The following ATP10B variants were observed in gnomAD, a reference collection of about 807,000 sequenced individuals.
The protein encoded by ATP10B is phospholipid-transporting ATPase VB.
ATP10B carries 122 observed loss-of-function variants against 141.2 expected under a neutral mutation model. The observed-to-expected ratio is 0.86, with a 90% CI of 0.75 to 1.00. The LOEUF is 1.00. Ranked by LOEUF, ATP10B falls within the 50% of genes least tolerant of loss-of-function variation. The pLI, the probability that ATP10B is intolerant of heterozygous loss-of-function variation, is 0.00. For synonymous variants in ATP10B, 685 were observed against 692.0 expected (o/e 0.99, Z 0.16); for missense variants, 1,876 against 1,825.3 (o/e 1.03, Z -0.51).
At chr5:160,708,573 T>C (rs928054559) in intron 3 of ATP10B, among the ~76,000 whole-genome samples, 10 of 152,204 alleles carry the variant, frequency 6.6e-5, no homozygotes, top group Non-Finnish European at 1.2e-4. Flanking sequence ...CAAATGGCTT[T>C]GCTGTCCAGC....
At chr5:160,770,918 A>G (rs1561836627) in intron 2 of ATP10B, among the ~76,000 whole-genome samples, 1 of 152,190 alleles carries the variant, frequency 6.6e-6, no homozygotes, top group African/African-American at 2.4e-5. Context: ...GTATTTGCAT[A>G]CTCAGCATAT....
At chr5:160,900,318 A>C in the ATP10B span, among the ~76,000 whole-genome samples, 1 of 152,192 alleles carries the variant, frequency 6.6e-6, no homozygotes, top group East Asian at 1.9e-4. Context: ...AATATTTATT[A>C]AACACTGTGG....
At chr5:160,843,703 G>A (rs1775942738) in intron 1 of ATP10B, among the ~76,000 whole-genome samples, 1 of 151,848 alleles carries the variant, frequency 6.6e-6, no homozygotes, top group African/African-American at 2.4e-5. Flanking sequence ...CTGTAACAAA[G>A]ACCAATCTAT....
At chr5:160,737,273 T>A (rs1277724360) in intron 2 of ATP10B, among the ~76,000 whole-genome samples, 2 of 152,188 alleles carry the variant, frequency 1.3e-5, no homozygotes, top group Non-Finnish European at 2.9e-5. Context: ...AAAAGCCATA[T>A]ATGACAGACC....
At chr5:160,829,806 T>C (rs564857697) in intron 1 of ATP10B, among the ~76,000 whole-genome samples, 17 of 152,000 alleles carry the variant, frequency 1.1e-4, no homozygotes, top group Non-Finnish European at 1.9e-4. Context: ...TGATTTCATA[T>C]CCTGCAACCT....
At chr5:160,609,926 T>C (rs564620354) in intron 18 of ATP10B, among the ~76,000 whole-genome samples, 270 of 152,334 alleles carry the variant, frequency 1.8e-3, no homozygotes, top group African/African-American at 6.1e-3. Flanking sequence ...AAGCAAGTCA[T>C]TGGAGACATA....
At chr5:160,597,065 A>G (rs1304013264) in intron 22 of ATP10B, among the ~76,000 whole-genome samples, 2 of 152,196 alleles carry the variant, frequency 1.3e-5, no homozygotes, top group Non-Finnish European at 2.9e-5. Context: ...ATATGGAGCC[A>G]AAAAAGAGCC....
chr5:160,837,216 G>C (rs1260472495), intron 1 of ATP10B, among the ~76,000 whole-genome samples: 1 of 152,110 alleles, frequency 6.6e-6, no homozygotes, highest in Admixed American at 6.6e-5. Flanking sequence ...CTTAAAAGCA[G>C]ATATTACAAA....
the ATP10B span, among the ~76,000 whole-genome samples, chr5:160,886,811 T>C: frequency 6.6e-6 from 1 of 152,108 alleles, no homozygotes; most frequent in African/African-American, 2.4e-5. Flanking sequence ...ACGAACCATA[T>C]AAGATAGAGA....
At chr5:160,758,986 C>T (rs1016835922) in intron 2 of ATP10B, among the ~76,000 whole-genome samples, 4 of 152,140 alleles carry the variant, frequency 2.6e-5, no homozygotes, top group African/African-American at 4.8e-5. Flanking sequence ...ATTAGCAGAG[C>T]TGGATTTGGG....
chr5:160,912,958 C>T, the ATP10B span, among the ~76,000 whole-genome samples: 1 of 152,156 alleles, frequency 6.6e-6, no homozygotes, highest in Admixed American at 6.5e-5. Context: ...GGCCACTGGC[C>T]TCGTGGGACA....
intron 1 of ATP10B, among the ~76,000 whole-genome samples, chr5:160,823,740 A>G (rs891339374): frequency 6.6e-6 from 1 of 152,012 alleles, no homozygotes; most frequent in African/African-American, 2.4e-5. Context: ...AGGCTGAGGC[A>G]GGAGAATGGC....
chr5:160,620,921 C>T lies in ATP10B; in HGVS notation c.1842G>A (p.Leu614=). ...RVTIKPSSKA[L]GTSLEKIQQL... is the part of the protein sequence containing the mutation. ...GCTGAATCTTCTCCAGGGACGTCCC[C>T]AGAGCCTTGCTTGAGGGTTTGATGG... The change falls in exon 15 of 26, where the codon CTG becomes CTA. Residue 614 remains leucine, a synonymous_variant. Transcript: ENST00000327245. 1 of 1,613,908 alleles carries T rather than the reference C, an allele frequency of 6.2e-7. No individual in the cohort carries two copies. Among genetic ancestry groups the T allele is most frequent in the Non-Finnish European group, 8.5e-7 (1 of 1,179,892 alleles).
At chr5:160,677,639 A>G (rs913042242) in intron 6 of ATP10B, among the ~76,000 whole-genome samples, 1 of 152,188 alleles carries the variant, frequency 6.6e-6, no homozygotes, top group Admixed American at 6.5e-5. Flanking sequence ...ACTTCTGCCT[A>G]TCAAGGCTAC....
chr5:160,622,437 C>T lies in ATP10B; in HGVS notation c.1769G>A (p.Cys590Tyr). The T allele has an allele frequency of 6.2e-7, 1 of 1,614,008 alleles. No homozygotes were observed. Among genetic ancestry groups the T allele is most frequent in the Non-Finnish European group, 8.5e-7 (1 of 1,180,010 alleles). ...GGTTGTGGACACCATGACAGAGTTG[C>T]AGATGGTTAAGGCAAGGAAGAAATC... is the stretch of plus-strand genomic sequence containing the variant. ...IADFFLALTI[C>Y]NSVMVSTTTE... Residue 590 changes from cysteine (C) to tyrosine (Y), a missense_variant, in exon 14 of 26, where the codon TGC (cysteine) becomes TAC (tyrosine). Transcript: ENST00000327245.
chr5:160,919,233 A>AAAAAAAAAAAAAAAAAAAAAAAAAAC, the ATP10B span, among the ~76,000 whole-genome samples: 1 of 142,870 alleles, frequency 7.0e-6, no homozygotes, highest in African/African-American at 2.7e-5. Context: ...CAAAAAAAAA[A>AAAAAAAAAAAAAAAAAAAAAAAAAAC]AAAAAAAAAA....
chr5:160,752,094 A>T (rs1017762655), intron 2 of ATP10B, among the ~76,000 whole-genome samples: 2 of 152,042 alleles, frequency 1.3e-5, no homozygotes, highest in Non-Finnish European at 2.9e-5. Context: ...AAGGATCTTC[A>T]CATAAAAAGG....
chr5:160,589,497 G>A (rs891241612), intron 24 of ATP10B, 95 bp downstream of exon 24: 13 of 938,884 alleles, frequency 1.4e-5, no homozygotes, highest in African/African-American at 4.8e-5. Context: ...TTTATTGAGT[G>A]GATTGATAAC....
intron 20 of ATP10B, 72 bp downstream of exon 20, chr5:160,603,893 C>G (rs1243641711): frequency 7.2e-7 from 1 of 1,396,954 alleles, no homozygotes; most frequent in Non-Finnish European, 1.0e-6. Flanking sequence ...AGAAGTTTCT[C>G]CAACACTCTG....
Sources: gnomAD v4.1 joint callset for allele counts (sites outside exome capture counted in the v4.1 genomes callset) on GRCh38, gnomAD v4.1.1 for gene constraint, MANE v1.5 for transcripts, NCBI Gene and HGNC (gene_info 2026-07-23, HGNC 2026-07-21) for gene names.